The following CTNNA2 variants were observed in gnomAD, a reference collection of about 807,000 sequenced individuals.
CTNNA2 encodes catenin alpha-2.
In CTNNA2, 42 loss-of-function variants were observed where a neutral mutation model predicts 101.0. The ratio of observed to expected loss-of-function variants is 0.42; its 90% confidence interval spans 0.32 to 0.54. The LOEUF (loss-of-function observed/expected upper bound fraction) is 0.54. Among genes scored for constraint, CTNNA2 ranks in the 20% least tolerant of loss-of-function variants. CTNNA2 has a pLI of 0.14. For synonymous variants in CTNNA2, 450 were observed against 456.4 expected (o/e 0.99, Z 0.18); for missense variants, 871 against 1,223.1 (o/e 0.71, Z 4.29).
intron 3 of CTNNA2, among the ~76,000 whole-genome samples, chr2:79,855,676 T>C (rs1021446996): frequency 6.6e-6 from 1 of 152,190 alleles, no homozygotes; most frequent in African/African-American, 2.4e-5. Flanking sequence ...CTTTTAACCA[T>C]GCTAGGGCTC....
intron 1 of CTNNA2, among the ~76,000 whole-genome samples, chr2:79,185,693 A>T (rs746420626): frequency 6.6e-6 from 1 of 152,232 alleles, no homozygotes; most frequent in Non-Finnish European, 1.5e-5. Context: ...GAGAATGCTT[A>T]TAATGACACA....
intron 3 of CTNNA2, among the ~76,000 whole-genome samples, chr2:79,782,327 C>G (rs1398109842): frequency 6.6e-6 from 1 of 152,120 alleles, no homozygotes; most frequent in African/African-American, 2.4e-5. Context: ...ACCTCCACCT[C>G]CTGGGTTCAA....
intron 9 of CTNNA2, among the ~76,000 whole-genome samples, chr2:80,483,368 TTATA>T (rs10635965): frequency 1.3e-4 from 19 of 146,094 alleles, no homozygotes; most frequent in African/African-American, 4.0e-4. Context: ...TGTTGTTGTT[TTATA>T]TATATATATA....
chr2:79,279,921 T>C (rs1221492185), intron 2 of CTNNA2, among the ~76,000 whole-genome samples: 7 of 152,262 alleles, frequency 4.6e-5, no homozygotes, highest in South Asian at 4.1e-4. Context: ...CCTCACCTTA[T>C]TGGGCCATGG....
At chr2:80,166,606 T>C (rs1704712728) in intron 7 of CTNNA2, among the ~76,000 whole-genome samples, 1 of 152,188 alleles carries the variant, frequency 6.6e-6, no homozygotes, top group Admixed American at 6.5e-5. Context: ...CTGCATTCCG[T>C]GAGTTATTCT....
chr2:80,527,754 TAGAAG>T (rs977865175), intron 9 of CTNNA2, among the ~76,000 whole-genome samples: 1 of 152,116 alleles, frequency 6.6e-6, no homozygotes, highest in African/African-American at 2.4e-5. Flanking sequence ...ACCAATGCCT[TAGAAG>T]AGAAAGAGGC....
chr2:79,375,053 G>A (rs1677951728), intron 4 of CTNNA2, among the ~76,000 whole-genome samples: 1 of 152,102 alleles, frequency 6.6e-6, no homozygotes, highest in African/African-American at 2.4e-5. Context: ...CATCCTATAT[G>A]CATATTCCTT....
intron 7 of CTNNA2, among the ~76,000 whole-genome samples, chr2:79,913,250 A>G (rs1421988713): frequency 6.6e-6 from 1 of 152,214 alleles, no homozygotes; most frequent in Non-Finnish European, 1.5e-5. Context: ...AAAGGATGAC[A>G]TTAGATCAAA....
intron 7 of CTNNA2, among the ~76,000 whole-genome samples, chr2:80,206,910 C>G (rs1472823411): frequency 6.6e-6 from 1 of 152,162 alleles, no homozygotes; most frequent in African/African-American, 2.4e-5. Context: ...GAGGCTTCCT[C>G]CTTAAGCATG....
intron 2 of CTNNA2, among the ~76,000 whole-genome samples, chr2:79,685,679 C>T (rs1323040012): frequency 6.6e-6 from 1 of 152,168 alleles, no homozygotes; most frequent in East Asian, 1.9e-4. Flanking sequence ...GGCAAATATA[C>T]TCTGTATTGG....
chr2:79,672,714 T>C (rs1456888470), intron 2 of CTNNA2, among the ~76,000 whole-genome samples: 5 of 150,618 alleles, frequency 3.3e-5, no homozygotes, highest in Admixed American at 1.3e-4. Flanking sequence ...TTTTCTTTTT[T>C]TTTTTTTTTT....
chr2:80,329,405 T>G (rs1671122617), intron 7 of CTNNA2, among the ~76,000 whole-genome samples: 1 of 152,216 alleles, frequency 6.6e-6, no homozygotes, highest in Admixed American at 6.5e-5. Context: ...ATGATCCCAT[T>G]GCACCAGGTT....
At chr2:80,239,817 C>A (rs894924008) in intron 7 of CTNNA2, among the ~76,000 whole-genome samples, 1 of 151,638 alleles carries the variant, frequency 6.6e-6, no homozygotes, top group East Asian at 1.9e-4. Context: ...GAGGCTGAGG[C>A]AGGAGAATCG....
intron 6 of CTNNA2, among the ~76,000 whole-genome samples, chr2:79,901,194 T>C (rs1229463004): frequency 6.6e-6 from 1 of 151,868 alleles, no homozygotes; most frequent in East Asian, 1.9e-4. Flanking sequence ...CTTTGACTAA[T>C]GTTAACTTTC....
chr2:79,624,657 A>C (rs778300658), intron 1 of CTNNA2, among the ~76,000 whole-genome samples: 1 of 152,212 alleles, frequency 6.6e-6, no homozygotes, highest in Non-Finnish European at 1.5e-5. Context: ...TAATTCAATC[A>C]ATATTGATTG....
intron 1 of CTNNA2, among the ~76,000 whole-genome samples, chr2:79,604,195 C>T (rs940291756): frequency 5.9e-5 from 9 of 152,178 alleles, no homozygotes; most frequent in African/African-American, 2.2e-4. Context: ...ATTACCACTT[C>T]TGAATGTGTA....
intron 1 of CTNNA2, among the ~76,000 whole-genome samples, chr2:79,582,635 A>G (rs1676217826): frequency 6.6e-6 from 1 of 151,912 alleles, no homozygotes; most frequent in Non-Finnish European, 1.5e-5. Flanking sequence ...TTTGTTTTAA[A>G]TATATATATA....
chr2:79,765,945 A>T (rs1051921018), intron 3 of CTNNA2, among the ~76,000 whole-genome samples: 2 of 152,152 alleles, frequency 1.3e-5, no homozygotes, highest in Non-Finnish European at 2.9e-5. Flanking sequence ...CAGTATACAC[A>T]TTGCATTTAG....
intron 14 of CTNNA2, among the ~76,000 whole-genome samples, chr2:80,584,868 T>G (rs1008041431): frequency 2.6e-5 from 4 of 152,160 alleles, no homozygotes; most frequent in African/African-American, 9.7e-5. Context: ...ACTAAATAAT[T>G]TCACCTAAAA....
Sources: gnomAD v4.1 joint callset for allele counts (sites outside exome capture counted in the v4.1 genomes callset) on GRCh38, gnomAD v4.1.1 for gene constraint, MANE v1.5 for transcripts, NCBI Gene and HGNC (gene_info 2026-07-23, HGNC 2026-07-21) for gene names.